The following MEGF11 variants were observed in gnomAD, a reference collection of about 807,000 sequenced individuals.
The protein encoded by MEGF11 is multiple EGF like domains 11.
In MEGF11, 126 loss-of-function variants were observed where a neutral mutation model predicts 146.6. The ratio of observed to expected loss-of-function variants is 0.86; its 90% CI spans 0.74 to 1.00. MEGF11 has a LOEUF of 1.00. MEGF11 is among the 50% of genes least tolerant of loss of function. The pLI, the probability that MEGF11 is intolerant of heterozygous loss-of-function variation, is 0.00. For missense variants in MEGF11, 1,509 were observed against 1,521.2 expected (o/e 0.99, Z 0.13); for synonymous variants, 532 against 583.4 (o/e 0.91, Z 1.27).
At chr15:66,124,128 C>T (rs1465750028) in intron 2 of MEGF11, 128 bp from the exon 3 acceptor site, 2 of 713,918 alleles carry the variant, frequency 2.8e-6, no homozygotes, top group South Asian at 3.5e-5. Flanking sequence ...GCTCTGACCT[C>T]CCCCCTCCCA....
chr15:66,187,406 C>T (rs1768087101), intron 1 of MEGF11, among the ~76,000 whole-genome samples: 1 of 152,202 alleles, frequency 6.6e-6, no homozygotes, highest in Admixed American at 6.5e-5. Flanking sequence ...CACCCACCTG[C>T]TCTCTGTGGC....
At chr15:65,942,107 G>T (rs149887424) in intron 10 of MEGF11, among the ~76,000 whole-genome samples, 2,257 of 152,204 alleles carry the variant, frequency 0.015, 54 homozygotes, top group African/African-American at 0.051. Flanking sequence ...AGGTCGATTT[G>T]CCCCAGGTCA....
chr15:66,122,796 TGAGA>T (rs367941640), intron 3 of MEGF11, among the ~76,000 whole-genome samples: 2,096 of 152,296 alleles, frequency 0.014, 50 homozygotes, highest in African/African-American at 0.048. Context: ...TTTGTTTTTT[TGAGA>T]GAGAGTCTCG....
intron 5 of MEGF11, among the ~76,000 whole-genome samples, chr15:66,089,429 G>A (rs562160674): frequency 6.6e-6 from 1 of 152,190 alleles, no homozygotes; most frequent in African/African-American, 2.4e-5. Flanking sequence ...AATGGGAAAC[G>A]GAAGAGCAGC....
At chr15:66,113,845 C>T (rs1453965562) in intron 4 of MEGF11, among the ~76,000 whole-genome samples, 4 of 151,754 alleles carry the variant, frequency 2.6e-5, no homozygotes, top group Admixed American at 1.3e-4. Context: ...TGCACCACTG[C>T]ACTCCAGCCT....
At position 65,913,796 on chromosome 15, in the gene MEGF11, G is replaced by A. The variant is rs768011281; in HGVS notation, c.2651C>T (p.Ala884Val). The change falls in exon 20 of 26, where the codon GCT becomes GTT. Residue 884 changes from alanine to valine, a missense_variant. Ala to Val is a moderately conservative substitution (Grantham distance 64). Transcript: ENST00000395614. ...GGCAGGTGTGTAGGAGACACGGGGA[G>A]CCAGGTCTCGGCCCTTCTCTTTCTG... is the stretch of plus-strand genomic sequence containing the variant. ...RRQKEKGRDLAPRVSYTPAMR... is the reference protein window; with the variant it reads ...RRQKEKGRDLVPRVSYTPAMR... 3 of 1,613,816 alleles carry A rather than the reference G, an allele frequency of 1.9e-6. No homozygotes were observed. In the South Asian group the frequency reaches 3.3e-5, roughly 18 times the overall value.
chr15:66,250,582 G>C (rs1404652577), intron 1 of MEGF11, among the ~76,000 whole-genome samples: 1 of 152,172 alleles, frequency 6.6e-6, no homozygotes, highest in Non-Finnish European at 1.5e-5. Flanking sequence ...CATAAGTTCG[G>C]AACACTGAAG....
At chr15:65,955,359 T>C (rs1388645248) in intron 10 of MEGF11, among the ~76,000 whole-genome samples, 1 of 151,714 alleles carries the variant, frequency 6.6e-6, no homozygotes, top group Admixed American at 6.6e-5. Context: ...TTTTACCCAG[T>C]TTTATCTGCA....
chr15:66,225,886 C>A (rs1277680486), intron 1 of MEGF11, among the ~76,000 whole-genome samples: 3 of 152,168 alleles, frequency 2.0e-5, no homozygotes, highest in Non-Finnish European at 4.4e-5. Flanking sequence ...CATATGCACA[C>A]ATTCACTCCC....
intron 10 of MEGF11, among the ~76,000 whole-genome samples, chr15:65,953,031 T>A (rs2080461140): frequency 6.6e-6 from 1 of 152,210 alleles, no homozygotes. Context: ...TGGGTGGACC[T>A]GCCTAGAACA....
chr15:66,222,422 A>G (rs559256149), intron 1 of MEGF11, among the ~76,000 whole-genome samples: 4 of 152,304 alleles, frequency 2.6e-5, no homozygotes, highest in African/African-American at 9.6e-5. Flanking sequence ...AGATGCAATC[A>G]GCAGCAGCCA....
chr15:66,201,663 C>T (rs572483512), intron 1 of MEGF11, among the ~76,000 whole-genome samples: 3 of 151,532 alleles, frequency 2.0e-5, no homozygotes, highest in Non-Finnish European at 4.4e-5. Flanking sequence ...AGGCCGGGTA[C>T]GGTGGCTCAT....
At chr15:66,128,061 T>A (rs1390828541) in intron 2 of MEGF11, among the ~76,000 whole-genome samples, 1 of 152,216 alleles carries the variant, frequency 6.6e-6, no homozygotes, top group Non-Finnish European at 1.5e-5. Context: ...GGCTGGGAAG[T>A]GCTAGTGCAG....
intron 1 of MEGF11, among the ~76,000 whole-genome samples, chr15:66,207,909 C>T (rs535263186): frequency 3.9e-5 from 6 of 151,924 alleles, no homozygotes; most frequent in Non-Finnish European, 7.4e-5. Flanking sequence ...ATGGCAAAAC[C>T]CTGTCTCTAC....
intron 8 of MEGF11, among the ~76,000 whole-genome samples, chr15:65,965,613 C>CTTT (rs1186551497): frequency 1.5e-4 from 8 of 53,522 alleles, no homozygotes; most frequent in Admixed American, 1.4e-3. Flanking sequence ...TTTTTTTTTT[C>CTTT]TTTTTTTTTT....
intron 1 of MEGF11, among the ~76,000 whole-genome samples, chr15:66,212,004 T>G (rs2091468031): frequency 7.7e-6 from 1 of 129,900 alleles, no homozygotes; most frequent in Non-Finnish European, 1.6e-5. Flanking sequence ...CAAAAGCATT[T>G]AGCTGAGAGC....
At chr15:65,921,337 T>G (rs2079163679) in intron 15 of MEGF11, among the ~76,000 whole-genome samples, 1 of 152,208 alleles carries the variant, frequency 6.6e-6, no homozygotes, top group Admixed American at 6.5e-5. Flanking sequence ...TCTGTAACCT[T>G]GTGTTCAAAC....
intron 10 of MEGF11, among the ~76,000 whole-genome samples, chr15:65,941,727 A>T (rs1287040825): frequency 6.6e-6 from 1 of 152,228 alleles, no homozygotes; most frequent in East Asian, 1.9e-4. Flanking sequence ...AACTCATGAG[A>T]GGTATTTGTA....
chr15:65,962,272 C>G (rs767219536), intron 9 of MEGF11, among the ~76,000 whole-genome samples: 11 of 152,178 alleles, frequency 7.2e-5, no homozygotes, highest in Non-Finnish European at 1.3e-4. Context: ...TAAGAACAAT[C>G]AAGCGCAGCA....
Sources: allele counts gnomAD v4.1 joint callset (sites outside exome capture counted in the v4.1 genomes callset), GRCh38; gene constraint gnomAD v4.1.1; transcripts MANE v1.5; gene names NCBI Gene and HGNC (gene_info 2026-07-23, HGNC 2026-07-21).